The following ABCC1 variants were observed in gnomAD, a reference collection of about 807,000 sequenced individuals.
ABCC1 encodes the protein ATP binding cassette subfamily C member 1 (ABCC1 blood group).
In ABCC1, 83 loss-of-function variants were observed where a neutral mutation model predicts 172.9. The observed-to-expected ratio is 0.48, with a 90% CI of 0.40 to 0.58. The LOEUF is 0.58. Ranked by LOEUF, ABCC1 falls within the 20% of genes least tolerant of loss-of-function variation. The pLI, the probability that ABCC1 is intolerant of heterozygous loss-of-function variation, is 0.00. For synonymous variants in ABCC1, 937 were observed against 825.2 expected, an observed-to-expected ratio of 1.14 and a Z score of -2.32; for missense variants, 1,817 against 2,002.7, an observed-to-expected ratio of 0.91 and a Z score of 1.77.
intron 1 of ABCC1, among the ~76,000 whole-genome samples, chr16:15,957,674 C>T (rs995689522): frequency 1.3e-5 from 2 of 152,206 alleles, no homozygotes; most frequent in Non-Finnish European, 2.9e-5. Context: ...TGGCTCACTG[C>T]AACCTCTGCC....
chr16:16,073,549 G>C (rs745390843), intron 14 of ABCC1, among the ~76,000 whole-genome samples: 6 of 152,162 alleles, frequency 3.9e-5, no homozygotes, highest in Non-Finnish European at 1.5e-5. Context: ...GATTGCTTGA[G>C]GCCAGGAGTT....
At chr16:16,068,652 A>T (rs1197107708) in intron 13 of ABCC1, among the ~76,000 whole-genome samples, 1 of 152,026 alleles carries the variant, frequency 6.6e-6, no homozygotes, top group Admixed American at 6.6e-5. Context: ...GATTGATTTT[A>T]CAACCCACTG....
At chr16:16,043,693 C>G (rs2049082623) in intron 7 of ABCC1, among the ~76,000 whole-genome samples, 1 of 152,028 alleles carries the variant, frequency 6.6e-6, no homozygotes. Flanking sequence ...CCTCCACCTC[C>G]CAGGTTCAAG....
At chr16:16,097,394 T>G (rs1259934750) in intron 19 of ABCC1, among the ~76,000 whole-genome samples, 1 of 152,238 alleles carries the variant, frequency 6.6e-6, no homozygotes, top group Non-Finnish European at 1.5e-5. Flanking sequence ...ATTACAGGCA[T>G]GAGCCATCGT....
rs386384360 is a variant in ABCC1, at chr16:16,139,611, C to CAAAAAAAAAAAA, written c.4487+1065_4487+1076dup. On this transcript the variant is annotated intron_variant, in intron 30 of 30. Coordinates refer to ENST00000399410, the MANE Select transcript of ABCC1 (RefSeq NM_004996.4). ...TGGGCAACAGAGTGAGACTCCATCT[C>CAAAAAAAAAAAA]AAAAAAAAAAAAAAAAAAAAAAAGA... is the stretch of plus-strand genomic sequence containing the variant. Among the ~76,000 whole-genome samples, 19 of 57,322 alleles carry CAAAAAAAAAAAA rather than the reference C, an allele frequency of 3.3e-4. 2 individuals are homozygous for CAAAAAAAAAAAA. The highest frequency in any genetic ancestry group is 1.1e-3 in the African/African-American group (14 of 12,480). 37.6% of individuals were successfully genotyped at this position (57,322 alleles called of 152,430 possible). A position where few individuals can be genotyped will look rare whatever the true frequency, so the allele number is the denominator to read the frequency against.
In ABCC1 at chr16:16,136,458, ACT is replaced by A. The variant is rs1567445624; in HGVS notation, c.4126-15_4126-14del. 1.2e-6 allele frequency: 2 copies of A among 1,612,532 alleles called. No homozygotes were observed. ...GTGACACAGGTGTCACATGCCGTCC[ACT>A]CTCTTCTCTCTGAACAGGACCCTGT... On this transcript the variant is annotated intron_variant, in intron 28 of 30. Transcript: ENST00000399410.
intron 26 of ABCC1, among the ~76,000 whole-genome samples, chr16:16,128,991 T>A (rs2045560381): frequency 6.6e-6 from 1 of 151,508 alleles, no homozygotes; most frequent in African/African-American, 2.4e-5. Context: ...TGAGACTCTG[T>A]CTCGAAAAAC....
chr16:15,955,877 A>C (rs2151483331), intron 1 of ABCC1, among the ~76,000 whole-genome samples: 1 of 152,304 alleles, frequency 6.6e-6, no homozygotes, highest in East Asian at 1.9e-4. Context: ...CAGCACCTAG[A>C]ACTGTGCCTG....
At chr16:15,951,021 C>G (rs893570914) in intron 1 of ABCC1, among the ~76,000 whole-genome samples, 5 of 151,930 alleles carry the variant, frequency 3.3e-5, no homozygotes, top group Non-Finnish European at 4.4e-5. Context: ...GGAGAGTAAC[C>G]CCAGGGGTGG....
intron 11 of ABCC1, among the ~76,000 whole-genome samples, chr16:16,053,257 A>G (rs549966986): frequency 6.6e-6 from 1 of 152,138 alleles, no homozygotes; most frequent in East Asian, 1.9e-4. Context: ...ACCTTATAGG[A>G]TACATGCTGT....
chr16:16,093,515 C>A (rs1180806006), intron 19 of ABCC1, among the ~76,000 whole-genome samples: 3 of 152,118 alleles, frequency 2.0e-5, no homozygotes, highest in Non-Finnish European at 4.4e-5. Flanking sequence ...CACCCTGGCA[C>A]CTCGTGCGTT....
At chr16:16,043,220 C>CCGTTTTTTTTTTTT (rs1437069469) in intron 7 of ABCC1, among the ~76,000 whole-genome samples, 3 of 93,172 alleles carry the variant, frequency 3.2e-5, no homozygotes, top group African/African-American at 1.8e-4. Context: ...GCTGGCTGGA[C>CCGTTTTTTTTTTTT]TGTTTTTTTT....
intron 5 of ABCC1, among the ~76,000 whole-genome samples, chr16:16,016,973 G>T (rs1049725192): frequency 1.3e-5 from 1 of 76,130 alleles, no homozygotes; most frequent in Non-Finnish European, 3.4e-5. Context: ...AGTTCTGACA[G>T]ATTAGGCCTA....
At chr16:16,039,229 GTGTGTATGTA>G (rs1567337915) in intron 7 of ABCC1, among the ~76,000 whole-genome samples, 1 of 136,748 alleles carries the variant, frequency 7.3e-6, no homozygotes, top group African/African-American at 3.1e-5. Flanking sequence ...GTGTGTGTGT[GTGTGTATGTA>G]TGTGTGTGTG....
chr16:16,048,923 C>T (rs1423474473), intron 10 of ABCC1, among the ~76,000 whole-genome samples: 7 of 151,370 alleles, frequency 4.6e-5, no homozygotes, highest in East Asian at 3.9e-4. Context: ...GCGGAGGTTG[C>T]GGTGAGCCGA....
chr16:16,076,470 G>A (rs536670071), intron 15 of ABCC1, 69 bp downstream of exon 15: 35 of 1,431,498 alleles, frequency 2.4e-5, no homozygotes, highest in Non-Finnish European at 1.9e-5. Flanking sequence ...ACGTGGATTC[G>A]AATTCCCACC....
At chr16:16,046,074 G>A (rs2049197282) in intron 9 of ABCC1, 61 bp downstream of exon 9, 1 of 1,566,168 alleles carries the variant, frequency 6.4e-7, no homozygotes, top group Non-Finnish European at 8.7e-7. Flanking sequence ...TGCAGCCCTG[G>A]GTTACTCTGG....
chr16:16,018,700 T>G (rs554498419), intron 5 of ABCC1, among the ~76,000 whole-genome samples: 1 of 152,082 alleles, frequency 6.6e-6, no homozygotes, highest in African/African-American at 2.4e-5. Context: ...CGTGTGCATG[T>G]GCCTGCTTGT....
intron 16 of ABCC1, among the ~76,000 whole-genome samples, chr16:16,079,691 A>G (rs28363989): frequency 0.056 from 8,510 of 152,084 alleles, 246 homozygotes; most frequent in Admixed American, 0.076. Context: ...TTTTGGTATC[A>G]TTTATTTCCA....
Sources: allele counts gnomAD v4.1 joint callset (sites outside exome capture counted in the v4.1 genomes callset), GRCh38; gene constraint gnomAD v4.1.1; transcripts MANE v1.5; gene names NCBI Gene and HGNC (gene_info 2026-07-23, HGNC 2026-07-21).